The following TTLL5 variants were observed in gnomAD, a reference collection of about 807,000 sequenced individuals.
The protein encoded by TTLL5 is tubulin tyrosine ligase like 5, also known as tubulin polyglutamylase TTLL5.
TTLL5 carries 132 observed loss-of-function variants against 168.4 expected under a neutral mutation model. The ratio of observed to expected loss-of-function variants is 0.78; its 90% confidence interval spans 0.68 to 0.91. The LOEUF is 0.91. Among genes scored for constraint, TTLL5 ranks in the 40% least tolerant of loss-of-function variants. The pLI, the probability that TTLL5 is intolerant of heterozygous loss-of-function variation, is 0.00. For missense variants in TTLL5, 1,545 were observed against 1,581.5 expected, an observed-to-expected ratio of 0.98 and a Z score of 0.39; for synonymous variants, 546 against 558.6, an observed-to-expected ratio of 0.98 and a Z score of 0.32.
intron 26 of TTLL5, among the ~76,000 whole-genome samples, chr14:75,791,069 G>C (rs2140347428): frequency 7.8e-6 from 1 of 127,490 alleles, no homozygotes; most frequent in Non-Finnish European, 1.6e-5. Flanking sequence ...TCGCGCCACT[G>C]CGCTTCAGCC....
chr14:75,667,054 A>G (rs1170513113), intron 2 of TTLL5, among the ~76,000 whole-genome samples: 2 of 150,694 alleles, frequency 1.3e-5, no homozygotes, highest in East Asian at 1.9e-4. Flanking sequence ...ACAACTTCGC[A>G]TATTCCTTAA....
intron 29 of TTLL5, 71 bp downstream of exon 29, chr14:75,863,933 A>AAAAAAAAAAAC: frequency 7.9e-7 from 1 of 1,268,264 alleles, no homozygotes; most frequent in Non-Finnish European, 1.0e-6. Context: ...AAAAAAAAAA[A>AAAAAAAAAAAC]AGGTCAGTGA....
At chr14:75,753,025 G>T in intron 18 of TTLL5, 70 bp downstream of exon 18, 1 of 1,432,008 alleles carries the variant, frequency 7.0e-7, no homozygotes, top group South Asian at 1.2e-5. Context: ...GTCAAAGAAG[G>T]AAACAGACCT....
At chr14:75,793,231 G>T in intron 27 of TTLL5, 131 bp downstream of exon 27, 1 of 837,944 alleles carries the variant, frequency 1.2e-6, no homozygotes, top group East Asian at 3.1e-5. Context: ...ATTAATAGTT[G>T]GTTTCAAGCT....
At chr14:75,886,162 G>T (rs917523035) in intron 30 of TTLL5, among the ~76,000 whole-genome samples, 1 of 152,182 alleles carries the variant, frequency 6.6e-6, no homozygotes, top group Non-Finnish European at 1.5e-5. Context: ...ACTTCTTCTA[G>T]CACAGAAGTT....
intron 7 of TTLL5, among the ~76,000 whole-genome samples, chr14:75,702,846 G>C (rs1886373747): frequency 6.6e-6 from 1 of 152,208 alleles, no homozygotes; most frequent in Non-Finnish European, 1.5e-5. Flanking sequence ...TAGTGGAAGT[G>C]CCAGACAGAA....
intron 28 of TTLL5, among the ~76,000 whole-genome samples, chr14:75,826,582 C>T (rs1255090483): frequency 6.6e-6 from 1 of 152,022 alleles, no homozygotes. Context: ...TGTAACTCTA[C>T]AAAATGGATG....
chr14:75,911,221 C>A (rs1395989165), intron 31 of TTLL5, among the ~76,000 whole-genome samples: 1 of 151,882 alleles, frequency 6.6e-6, no homozygotes, highest in Non-Finnish European at 1.5e-5. Context: ...TTAGTAGAGA[C>A]AGTGTTTCAC....
chr14:75,856,230 G>A (rs1897117003), intron 28 of TTLL5, among the ~76,000 whole-genome samples: 1 of 152,194 alleles, frequency 6.6e-6, no homozygotes, highest in Admixed American at 6.5e-5. Context: ...GAGTGTGGTG[G>A]CACATACCTG....
At chr14:75,950,575 T>C (rs1332589677) in intron 31 of TTLL5, among the ~76,000 whole-genome samples, 3 of 152,182 alleles carry the variant, frequency 2.0e-5, no homozygotes, top group South Asian at 4.1e-4. Flanking sequence ...ATGAAACAAA[T>C]GGTACGATGC....
intron 30 of TTLL5, among the ~76,000 whole-genome samples, chr14:75,894,649 CAAATT>C (rs1388546080): frequency 5.3e-5 from 8 of 152,148 alleles, no homozygotes; most frequent in Admixed American, 2.0e-4. Context: ...TAAATGTTGA[CAAATT>C]AAACTCTTCC....
At chr14:75,898,340 G>T (rs1013804242) in intron 30 of TTLL5, among the ~76,000 whole-genome samples, 4 of 152,070 alleles carry the variant, frequency 2.6e-5, no homozygotes, top group Admixed American at 6.6e-5. Flanking sequence ...TTATTCTCAC[G>T]CTTAAAGATA....
intron 5 of TTLL5, among the ~76,000 whole-genome samples, chr14:75,687,244 T>C (rs967446776): frequency 6.6e-6 from 1 of 152,286 alleles, no homozygotes; most frequent in Non-Finnish European, 1.5e-5. Context: ...AGAAGCACAG[T>C]CATAAAAGGA....
At position 75,950,095 on chromosome 14, in the gene TTLL5, C is replaced by T. The variant is rs138120932; in HGVS notation, c.3824-4329C>T. On this transcript the variant is annotated intron_variant, in intron 31 of 31. Coordinates refer to ENST00000298832, the MANE Select transcript of TTLL5 (RefSeq NM_015072.5). ...CATGCTTAAGAGAATGTGATATTGACACAAAATAGAGAAACCTAAAACTGG... is the reference window on the plus strand; with the variant it reads ...CATGCTTAAGAGAATGTGATATTGATACAAAATAGAGAAACCTAAAACTGG... 1.5e-3 allele frequency among the ~76,000 whole-genome samples: 234 copies of T among 152,094 alleles called. 1 individual carries two copies. The highest frequency in any genetic ancestry group is 5.3e-3 in the African/African-American group (221 of 41,490).
intron 28 of TTLL5, among the ~76,000 whole-genome samples, chr14:75,834,068 G>A (rs536907271): frequency 2.0e-5 from 3 of 152,322 alleles, no homozygotes; most frequent in African/African-American, 7.2e-5. Flanking sequence ...GGTTAGTCCA[G>A]TAGGGAAGAA....
chr14:75,795,552 TG>T (rs1326212804), intron 27 of TTLL5, among the ~76,000 whole-genome samples: 1 of 152,172 alleles, frequency 6.6e-6, no homozygotes, highest in Non-Finnish European at 1.5e-5. Context: ...GTACCCAATG[TG>T]CAGTCTTTTA....
intron 31 of TTLL5, among the ~76,000 whole-genome samples, chr14:75,918,547 T>G (rs1457545265): frequency 6.6e-6 from 1 of 152,006 alleles, no homozygotes; most frequent in African/African-American, 2.4e-5. Context: ...CAGTAACACA[T>G]GAGAGCCCTC....
chr14:75,727,209 A>G (rs1888238825), intron 12 of TTLL5, among the ~76,000 whole-genome samples: 1 of 152,218 alleles, frequency 6.6e-6, no homozygotes. Context: ...AAGAACCGAA[A>G]CCATATGTTT....
At chr14:75,753,482 G>GTAGC (rs558844545) in intron 18 of TTLL5, among the ~76,000 whole-genome samples, 18 of 152,266 alleles carry the variant, frequency 1.2e-4, no homozygotes, top group Admixed American at 1.0e-3. Context: ...ACATACTTTT[G>GTAGC]TAGCCCCTGA....
Sources: allele counts gnomAD v4.1 joint callset (sites outside exome capture counted in the v4.1 genomes callset), GRCh38; gene constraint gnomAD v4.1.1; transcripts MANE v1.5; gene names NCBI Gene and HGNC (gene_info 2026-07-23, HGNC 2026-07-21).